Variants in POLQ observed in about 807,000 individuals in gnomAD.
POLQ encodes the protein epididymis secretory sperm binding protein.
A neutral mutation model predicts 259.2 loss-of-function variants in POLQ; 233 were observed. The ratio of observed to expected loss-of-function variants is 0.90; its 90% CI spans 0.81 to 1.00. The LOEUF is 1.00. Among genes scored for constraint, POLQ ranks in the 50% least tolerant of loss-of-function variants. The pLI is 0.00. For missense variants in POLQ, 2,871 were observed against 3,051.6 expected (o/e 0.94, Z 1.39); for synonymous variants, 1,025 against 1,048.8 (o/e 0.98, Z 0.44).
In POLQ at chr3:121,442,048, T is replaced by C. The variant is rs991897889; in HGVS notation, c.7265-1932A>G. Among the ~76,000 whole-genome samples the C allele has an allele frequency of 2.0e-5, 3 of 152,234 alleles. No homozygotes were observed. In the East Asian group the frequency reaches 5.8e-4, roughly 29 times the overall value. On this transcript the variant is annotated intron_variant, in intron 26 of 29. Coordinates refer to ENST00000264233, the MANE Select transcript of POLQ (RefSeq NM_199420.4). Reference sequence around the variant, plus strand: ...TATCGGATCGTCTAGCTTCTGAGCATTGAATGGTAAAAGTTCTTCATATAT... The same window carrying C: ...TATCGGATCGTCTAGCTTCTGAGCACTGAATGGTAAAAGTTCTTCATATAT...
At chr3:121,501,795 G>C (rs1019670679) in intron 12 of POLQ, among the ~76,000 whole-genome samples, 1 of 151,510 alleles carries the variant, frequency 6.6e-6, no homozygotes, top group Non-Finnish European at 1.5e-5. Context: ...AGACTAGCCT[G>C]GTCAACATGG....
intron 7 of POLQ, 57 bp from the exon 8 acceptor site, chr3:121,522,206 T>G: frequency 7.2e-7 from 1 of 1,397,794 alleles, no homozygotes; most frequent in Non-Finnish European, 9.7e-7. Context: ...TTTAAGTGTA[T>G]CTGTCTAAAT....
At chr3:121,543,005 G>C (rs2048501526) in intron 2 of POLQ, among the ~76,000 whole-genome samples, 1 of 152,042 alleles carries the variant, frequency 6.6e-6, no homozygotes, top group Non-Finnish European at 1.5e-5. Context: ...AGACCACTTT[G>C]GCTGCAGGAG....
chr3:121,510,576 C>CA (rs993231378), intron 10 of POLQ, among the ~76,000 whole-genome samples: 29 of 149,398 alleles, frequency 1.9e-4, no homozygotes, highest in African/African-American at 6.7e-4. Context: ...GACTCCATCT[C>CA]AAAAAAACAA....
At chr3:121,440,171 A>C (rs2047579227) in intron 26 of POLQ, 55 bp from the exon 27 acceptor site, 1 of 1,419,512 alleles carries the variant, frequency 7.0e-7, no homozygotes, top group South Asian at 1.2e-5. Context: ...CCTTCACTTC[A>C]TTCACTGGCT....
At position 121,520,028 on chromosome 3, in the gene POLQ, A is replaced by G; in HGVS notation, c.1311T>C (p.Ile437=). 1 of 1,613,830 alleles carries G rather than the reference A, an allele frequency of 6.2e-7. No homozygotes were observed. Among genetic ancestry groups the G allele is most frequent in the Non-Finnish European group, 8.5e-7 (1 of 1,179,746 alleles). ...GAGTAGAAGTTGCCGCCAAGACCCG[A>G]ATGAGACCTTGACGAAAGGCTCCTT... The part of the protein sequence containing the change: ...IIEGAFRQGL[I]RVLAATSTLS... The change falls in exon 9 of 30, where the codon ATT becomes ATC. Residue 437 remains isoleucine, a synonymous_variant. Transcript: ENST00000264233.
chr3:121,485,140 T>C lies in POLQ; in HGVS notation c.5674A>G (p.Ile1892Val). Residue 1892 changes from isoleucine (I) to valine (V), a missense_variant, in exon 17 of 30, where the codon ATT becomes GTT. Transcript: ENST00000264233. ...EIPIRDDGFP[I>V]KGCDDTLVVG... ...ACCAAGGTGTCATCACAACCTTTAATGGGAAATCCATCATCTCTAATAGGA... is the reference window on the plus strand; with the variant it reads ...ACCAAGGTGTCATCACAACCTTTAACGGGAAATCCATCATCTCTAATAGGA... 6.2e-7 allele frequency: 1 copy of C among 1,610,130 alleles called. No individual in the cohort carries two copies. The highest frequency in any genetic ancestry group is 1.1e-5 in the South Asian group (1 of 90,636).
chr3:121,496,062 TTTAA>T (rs1442745659), intron 14 of POLQ, among the ~76,000 whole-genome samples: 7 of 152,042 alleles, frequency 4.6e-5, no homozygotes, highest in Admixed American at 4.6e-4. Flanking sequence ...TTGCTTAGGG[TTTAA>T]TACATTAAGG....
At chr3:121,535,438 G>A (rs567512604) in intron 5 of POLQ, among the ~76,000 whole-genome samples, 6 of 152,168 alleles carry the variant, frequency 3.9e-5, no homozygotes, top group African/African-American at 1.2e-4. Flanking sequence ...TATGGAGGCC[G>A]GGCACAGTGG....
At position 121,545,733 on chromosome 3, in the gene POLQ, G is replaced by A; in HGVS notation, c.145C>T (p.Leu49=). Residue 49 remains leucine (L), a synonymous_variant, in exon 1 of 30, where the codon CTG becomes TTG. Transcript: ENST00000264233. ...LSPPPGLGRC[L]KAAAAGECKP... ...GGAGCACCTGCAGCTGCGGCCTTCA[G>A]GCAGCGACCAAGGCCGGGCGGCGGG... is the stretch of plus-strand genomic sequence containing the variant. 2 of 1,578,548 alleles carry A rather than the reference G, an allele frequency of 1.3e-6. No homozygotes were observed. Among genetic ancestry groups the A allele is most frequent in the Non-Finnish European group, 1.7e-6 (2 of 1,162,604 alleles).
At chr3:121,470,516 G>A (rs1011922329) in intron 22 of POLQ, among the ~76,000 whole-genome samples, 2 of 152,106 alleles carry the variant, frequency 1.3e-5, no homozygotes, top group African/African-American at 4.8e-5. Context: ...CACTTTCTAG[G>A]AGCCATGCAC....
At chr3:121,452,500 T>C (rs1478341897) in intron 25 of POLQ, among the ~76,000 whole-genome samples, 1 of 151,904 alleles carries the variant, frequency 6.6e-6, no homozygotes, top group Non-Finnish European at 1.5e-5. Flanking sequence ...CCTGTTTTTT[T>C]TTTTTTTAAC....
chr3:121,488,817 G>A lies in POLQ; in HGVS notation c.4114C>T (p.His1372Tyr), dbSNP rs2048037522. ...NSMNSFQKEC[H>Y]IPFPAEQHPL... ...TGCTGTTCAGCAGGAAAAGGAATGT[G>A]ACACTCCTTCTGAAAAGAGTTCATT... The change falls in exon 16 of 30, where the codon CAC becomes TAC. Residue 1372 changes from histidine (H) to tyrosine (Y), a missense_variant. Physicochemically the swap from His to Tyr is moderately conservative, Grantham distance 83. Coordinates refer to ENST00000264233, the MANE Select transcript of POLQ (RefSeq NM_199420.4). The A allele has an allele frequency of 6.2e-7, 1 of 1,613,788 alleles. No individual in the cohort carries two copies. Among genetic ancestry groups the A allele is most frequent in the Non-Finnish European group, 8.5e-7 (1 of 1,179,808 alleles).
intron 5 of POLQ, among the ~76,000 whole-genome samples, chr3:121,535,570 G>T (rs1457950106): frequency 6.6e-6 from 1 of 151,864 alleles, no homozygotes; most frequent in Non-Finnish European, 1.5e-5. Flanking sequence ...ACACAAATTA[G>T]CTGGGTGTGG....
At chr3:121,541,144 G>T (rs1471518407) in intron 3 of POLQ, among the ~76,000 whole-genome samples, 3 of 152,188 alleles carry the variant, frequency 2.0e-5, no homozygotes, top group Non-Finnish European at 4.4e-5. Flanking sequence ...GCCTCCCAAA[G>T]TGCTGGGATT....
intron 19 of POLQ, among the ~76,000 whole-genome samples, chr3:121,481,091 A>C (rs1281508351): frequency 1.3e-5 from 2 of 152,168 alleles, no homozygotes; most frequent in African/African-American, 4.8e-5. Context: ...CCTTGCTGTG[A>C]AAAAACATCT....
At chr3:121,481,126 A>G (rs1472206264) in intron 19 of POLQ, among the ~76,000 whole-genome samples, 1 of 152,262 alleles carries the variant, frequency 6.6e-6, no homozygotes, top group Non-Finnish European at 1.5e-5. Context: ...CCAAAAAGAA[A>G]AGAGTTAACT....
chr3:121,447,726 G>C lies in POLQ; in HGVS notation c.7264+1589C>G, dbSNP rs76413222. On this transcript the variant is annotated intron_variant, in intron 26 of 29. Coordinates refer to ENST00000264233, the MANE Select transcript of POLQ (RefSeq NM_199420.4). ...AGAACTCTTTTTGGCATTTCTTGTA[G>C]GACAACTCTGGTGTTGATGAAATCC... Among the ~76,000 whole-genome samples, 785 of 152,158 alleles carry C rather than the reference G, an allele frequency of 5.2e-3. 5 individuals are homozygous for C. Among genetic ancestry groups the C allele is most frequent in the Admixed American group, 0.019 (286 of 15,296 alleles).
intron 24 of POLQ, among the ~76,000 whole-genome samples, chr3:121,466,842 T>C (rs2047841362): frequency 6.6e-6 from 1 of 152,180 alleles, no homozygotes; most frequent in South Asian, 2.1e-4. Context: ...GAATTCACCA[T>C]TGGCATATAA....
Sources: allele counts gnomAD v4.1 joint callset (sites outside exome capture counted in the v4.1 genomes callset), GRCh38; gene constraint gnomAD v4.1.1; transcripts MANE v1.5; gene names NCBI Gene and HGNC (gene_info 2026-07-23, HGNC 2026-07-21).